PID1: variants seen among roughly 807,000 people sequenced by gnomAD.
The protein encoded by PID1 is PTB-containing, cubilin and LRP1-interacting protein.
In PID1, 10 loss-of-function variants were observed where a neutral mutation model predicts 19.1. That is an observed-to-expected ratio of 0.52 (90% CI 0.32 to 0.89). The LOEUF is 0.89. Among genes scored for constraint, PID1 ranks in the 40% least tolerant of loss-of-function variants. The probability of loss-of-function intolerance (pLI) is 0.03; values close to 1 mark genes in which losing one functional copy is unlikely to be tolerated. For missense variants in PID1, 248 were observed against 285.3 expected, an observed-to-expected ratio of 0.87 and a Z score of 0.94; for synonymous variants, 130 against 116.0, an observed-to-expected ratio of 1.12 and a Z score of -0.78.
At chr2:229,213,254 T>C (rs1574727079) in intron 1 of PID1, among the ~76,000 whole-genome samples, 1 of 152,010 alleles carries the variant, frequency 6.6e-6, no homozygotes, top group East Asian at 1.9e-4. Flanking sequence ...AGGCAGAGCA[T>C]AGGGCCCAGC....
intron 1 of PID1, 70 bp downstream of exon 1, chr2:229,270,944 C>G (rs560478424): frequency 1.4e-6 from 2 of 1,421,096 alleles, no homozygotes; most frequent in Non-Finnish European, 1.9e-6. Flanking sequence ...TAGGCAGAAG[C>G]AAAAACTAGG....
intron 1 of PID1, among the ~76,000 whole-genome samples, chr2:229,211,556 A>AT (rs1250124564): frequency 1.3e-5 from 2 of 152,214 alleles, no homozygotes; most frequent in African/African-American, 4.8e-5. Flanking sequence ...AAATGGAGAA[A>AT]TGCTCTCCAG....
At chr2:229,212,380 T>A (rs1202079891) in intron 1 of PID1, among the ~76,000 whole-genome samples, 1 of 152,168 alleles carries the variant, frequency 6.6e-6, no homozygotes, top group Non-Finnish European at 1.5e-5. Flanking sequence ...TCTTTATTTT[T>A]CCCTATTCTG....
chr2:229,126,257 A>G (rs1352270775), intron 2 of PID1, among the ~76,000 whole-genome samples: 3 of 152,178 alleles, frequency 2.0e-5, no homozygotes, highest in African/African-American at 7.2e-5. Context: ...AGGCTTTTGG[A>G]GAAAGAGGAA....
Position 229,024,493 on chromosome 2 carries a change from A to C in PID1, c.*1139T>G, listed in dbSNP as rs953003461. On this transcript the variant is annotated 3_prime_UTR_variant, in exon 3 of 3. Transcript: ENST00000392055. ...AAAATAAAAAAAAAGGGCAATTCTG[A>C]CCCTAAGATATCATCAATTTTATGA... 6.6e-6 allele frequency: 1 copy of C among 152,602 alleles called. No individual in the cohort carries two copies. Among genetic ancestry groups the C allele is most frequent in the Non-Finnish European group, 1.5e-5 (1 of 68,026 alleles). 9.5% of individuals were successfully genotyped at this position (152,602 alleles called of 1,614,324 possible). A position where few individuals can be genotyped will look rare whatever the true frequency, so the allele number is the denominator to read the frequency against.
chr2:229,208,714 T>C (rs1395227714), intron 1 of PID1, among the ~76,000 whole-genome samples: 1 of 152,204 alleles, frequency 6.6e-6, no homozygotes, highest in African/African-American at 2.4e-5. Context: ...CTATTATTTA[T>C]TCATCCTCAG....
At chr2:229,124,496 T>A (rs116135457) in intron 2 of PID1, among the ~76,000 whole-genome samples, 91 of 152,300 alleles carry the variant, frequency 6.0e-4, no homozygotes, top group Non-Finnish European at 1.1e-3. Flanking sequence ...TGAGATTATA[T>A]CTGTGGCAAT....
intron 1 of PID1, among the ~76,000 whole-genome samples, chr2:229,176,446 A>G (rs959331910): frequency 2.0e-5 from 3 of 152,212 alleles, no homozygotes; most frequent in Non-Finnish European, 4.4e-5. Flanking sequence ...CTATTAGGGA[A>G]CCAGGCCTCC....
intron 2 of PID1, among the ~76,000 whole-genome samples, chr2:229,094,860 A>C (rs140319350): frequency 1.3e-5 from 2 of 150,982 alleles, no homozygotes; most frequent in East Asian, 4.1e-4. Context: ...AATCAGCAAG[A>C]AAAAAAAACA....
chr2:229,062,403 T>C (rs1461432570), intron 2 of PID1, among the ~76,000 whole-genome samples: 2 of 152,034 alleles, frequency 1.3e-5, no homozygotes, highest in Non-Finnish European at 2.9e-5. Context: ...GATTTGTGTA[T>C]GTTGAACCAT....
At chr2:229,029,831 C>T (rs1574567252) in intron 2 of PID1, among the ~76,000 whole-genome samples, 1 of 132,818 alleles carries the variant, frequency 7.5e-6, no homozygotes, top group African/African-American at 3.0e-5. Context: ...CAGAGTGACA[C>T]TCCGTCTCAA....
At chr2:229,268,574 G>C (rs372138634) in intron 1 of PID1, among the ~76,000 whole-genome samples, 29 of 152,208 alleles carry the variant, frequency 1.9e-4, no homozygotes, top group Middle Eastern at 3.4e-3. Flanking sequence ...CTTCACTCTG[G>C]CTCATCTAAA....
intron 2 of PID1, among the ~76,000 whole-genome samples, chr2:229,147,065 A>T (rs1690151013): frequency 6.6e-6 from 1 of 152,196 alleles, no homozygotes; most frequent in Admixed American, 6.5e-5. Flanking sequence ...TCAGCAAACC[A>T]GTATGTCATT....
intron 2 of PID1, among the ~76,000 whole-genome samples, chr2:229,143,550 C>T (rs1009587346): frequency 5.3e-5 from 8 of 152,010 alleles, no homozygotes; most frequent in African/African-American, 1.9e-4. Flanking sequence ...CACCAAGGCA[C>T]GTAACCATAA....
intron 2 of PID1, among the ~76,000 whole-genome samples, chr2:229,079,268 G>T (rs1385748156): frequency 1.3e-5 from 2 of 152,200 alleles, no homozygotes; most frequent in East Asian, 1.9e-4. Context: ...TCCTTTATTT[G>T]CCATGACTGC....
At chr2:229,123,989 C>A (rs977015514) in intron 2 of PID1, among the ~76,000 whole-genome samples, 1 of 152,074 alleles carries the variant, frequency 6.6e-6, no homozygotes, top group Non-Finnish European at 1.5e-5. Flanking sequence ...GGGTAATGAA[C>A]CTGCTTTAGG....
chr2:229,130,569 G>T (rs1221442112), intron 2 of PID1, among the ~76,000 whole-genome samples: 1 of 152,206 alleles, frequency 6.6e-6, no homozygotes, highest in African/African-American at 2.4e-5. Context: ...TCGTAGGCTT[G>T]TCAGGCAGTT....
At chr2:229,072,566 C>T (rs1042110130) in intron 2 of PID1, among the ~76,000 whole-genome samples, 5 of 148,828 alleles carry the variant, frequency 3.4e-5, no homozygotes, top group African/African-American at 1.2e-4. Flanking sequence ...CCAGCCTGGG[C>T]GACAGAGTGA....
At chr2:229,099,484 A>T (rs1695034838) in intron 2 of PID1, among the ~76,000 whole-genome samples, 1 of 152,220 alleles carries the variant, frequency 6.6e-6, no homozygotes. Context: ...CTAATTGAAC[A>T]TGCATAAAGA....
Sources: gnomAD v4.1 joint callset for allele counts (sites outside exome capture counted in the v4.1 genomes callset) on GRCh38, gnomAD v4.1.1 for gene constraint, MANE v1.5 for transcripts, NCBI Gene and HGNC (gene_info 2026-07-23, HGNC 2026-07-21) for gene names.